Variants in PALLD observed in about 807,000 individuals in gnomAD.
PALLD encodes the protein palladin, cytoskeletal associated protein.
Under a neutral mutation model 123.5 loss-of-function variants are expected in PALLD, and 61 were observed. The ratio of observed to expected loss-of-function variants is 0.49; its 90% CI spans 0.40 to 0.61. The LOEUF (loss-of-function observed/expected upper bound fraction) is 0.61, where lower values mean the gene tolerates loss of function less well. Ranked by LOEUF, PALLD falls within the 20% of genes least tolerant of loss-of-function variation. The pLI is 0.00. For synonymous variants in PALLD, 465 were observed against 496.4 expected, an observed-to-expected ratio of 0.94 and a Z score of 0.84; for missense variants, 1,273 against 1,377.0, an observed-to-expected ratio of 0.92 and a Z score of 1.20.
intron 15 of PALLD, among the ~76,000 whole-genome samples, chr4:168,911,950 C>T (rs1442899019): frequency 3.9e-5 from 6 of 152,028 alleles, no homozygotes; most frequent in Admixed American, 3.3e-4. Flanking sequence ...GGTAATTCCT[C>T]ATTCTTCTCC....
intron 10 of PALLD, among the ~76,000 whole-genome samples, chr4:168,808,138 T>C (rs1304887870): frequency 1.3e-5 from 2 of 151,394 alleles, no homozygotes; most frequent in African/African-American, 2.4e-5. Context: ...AAGAGGAAAA[T>C]ATAATAATAT....
At position 168,511,930 on chromosome 4, in the gene PALLD, G is replaced by C. The variant is rs1468136284; in HGVS notation, c.426G>C (p.Lys142Asn). ...SYIRSLRKAE[K>N]RGAKTPSTNV... Reference sequence around the variant, plus strand: ...TCCGGAGCCTCCGAAAGGCTGAAAAGCGTGGTGCAAAAACTCCCAGCACAA... The same window carrying C: ...TCCGGAGCCTCCGAAAGGCTGAAAACCGTGGTGCAAAAACTCCCAGCACAA... Residue 142 changes from lysine (K) to asparagine (N), a missense_variant, in exon 2 of 22, where the codon AAG becomes AAC. Around this residue, in one of 2 missense-constraint regions of PALLD, gnomAD observed 944 missense variants for 954.5 expected, o/e 0.99. Coordinates refer to ENST00000505667, the MANE Select transcript of PALLD (RefSeq NM_001166108.2). 1 of 1,614,084 alleles carries C rather than the reference G, an allele frequency of 6.2e-7. No individual in the cohort carries two copies. Among genetic ancestry groups the C allele is most frequent in the Non-Finnish European group, 8.5e-7 (1 of 1,180,046 alleles).
intron 10 of PALLD, among the ~76,000 whole-genome samples, chr4:168,779,923 T>G (rs955380657): frequency 6.6e-6 from 1 of 152,058 alleles, no homozygotes; most frequent in African/African-American, 2.4e-5. Context: ...TTTTTTTCTT[T>G]TTGAGAGAAG....
chr4:168,613,029 A>G (rs989940207), intron 2 of PALLD, among the ~76,000 whole-genome samples: 1 of 152,166 alleles, frequency 6.6e-6, no homozygotes, highest in Non-Finnish European at 1.5e-5. Context: ...CTTTTCCCCC[A>G]TCAACTTCCT....
intron 2 of PALLD, among the ~76,000 whole-genome samples, chr4:168,651,339 C>G (rs1407672920): frequency 6.6e-6 from 1 of 152,082 alleles, no homozygotes; most frequent in Non-Finnish European, 1.5e-5. Flanking sequence ...TTGTAACATC[C>G]AAGGTTAGCT....
intron 2 of PALLD, among the ~76,000 whole-genome samples, chr4:168,609,245 G>A (rs927886080): frequency 4.7e-5 from 7 of 149,410 alleles, no homozygotes; most frequent in Non-Finnish European, 7.4e-5. Flanking sequence ...GCCTTAGAGA[G>A]TTGCTGATGT....
chr4:168,735,779 C>T (rs1436880084), intron 10 of PALLD, among the ~76,000 whole-genome samples: 3 of 151,944 alleles, frequency 2.0e-5, no homozygotes, highest in Non-Finnish European at 2.9e-5. Flanking sequence ...TTTGGGTTTT[C>T]GTCTTTGATG....
At chr4:168,849,123 C>A (rs1289843960) in intron 10 of PALLD, among the ~76,000 whole-genome samples, 1 of 152,208 alleles carries the variant, frequency 6.6e-6, no homozygotes, top group African/African-American at 2.4e-5. Context: ...CAGGTTCTCC[C>A]ACATGTTCAC....
chr4:168,611,124 C>T (rs1392152781), intron 2 of PALLD, among the ~76,000 whole-genome samples: 1 of 152,148 alleles, frequency 6.6e-6, no homozygotes, highest in African/African-American at 2.4e-5. Flanking sequence ...GGACCAGGCC[C>T]TTCCTGGTTT....
At chr4:168,818,516 G>C (rs1561558783) in intron 10 of PALLD, among the ~76,000 whole-genome samples, 1 of 152,108 alleles carries the variant, frequency 6.6e-6, no homozygotes, top group African/African-American at 2.4e-5. Context: ...GGGCCCAGGA[G>C]GTCAAGACTG....
chr4:168,615,468 C>T (rs916713605), intron 2 of PALLD, among the ~76,000 whole-genome samples: 2 of 152,150 alleles, frequency 1.3e-5, no homozygotes, highest in Non-Finnish European at 2.9e-5. Flanking sequence ...GTATCTGGCC[C>T]GAGTCCATTT....
chr4:168,802,713 G>A (rs11931737), intron 10 of PALLD, among the ~76,000 whole-genome samples: 7,904 of 151,272 alleles, frequency 0.052, 708 homozygotes, highest in African/African-American at 0.18. Context: ...TTTTTAAGAC[G>A]GAGTTTCACT....
At chr4:168,524,538 G>A (rs1345694004) in intron 2 of PALLD, among the ~76,000 whole-genome samples, 1 of 152,124 alleles carries the variant, frequency 6.6e-6, no homozygotes, top group East Asian at 1.9e-4. Flanking sequence ...TATGCAGTGT[G>A]TAATAATCAC....
chr4:168,565,184 A>T (rs2149588868), intron 2 of PALLD, among the ~76,000 whole-genome samples: 1 of 152,252 alleles, frequency 6.6e-6, no homozygotes, highest in South Asian at 2.1e-4. Flanking sequence ...GAAGGAAAAG[A>T]AGCTTTAGTC....
chr4:168,542,092 C>A (rs1392150595), intron 2 of PALLD, among the ~76,000 whole-genome samples: 1 of 152,194 alleles, frequency 6.6e-6, no homozygotes, highest in African/African-American at 2.4e-5. Context: ...CACACACATA[C>A]ACACACCTTT....
At chr4:168,743,041 C>G (rs1490567646) in intron 10 of PALLD, among the ~76,000 whole-genome samples, 1 of 152,132 alleles carries the variant, frequency 6.6e-6, no homozygotes, top group Non-Finnish European at 1.5e-5. Context: ...CTTCCAGGAG[C>G]TATAGACTAG....
chr4:168,631,573 C>G, intron 2 of PALLD: 1 of 983,994 alleles, frequency 1.0e-6, no homozygotes, highest in Non-Finnish European at 1.2e-6. Context: ...GCCCGGCACT[C>G]CGACACACTC....
intron 10 of PALLD, among the ~76,000 whole-genome samples, chr4:168,855,747 A>G (rs1008169451): frequency 6.6e-6 from 1 of 152,380 alleles, no homozygotes; most frequent in African/African-American, 2.4e-5. Flanking sequence ...CCTGAATACT[A>G]ATAGCTCACA....
At chr4:168,767,940 T>G (rs1733905348) in intron 10 of PALLD, among the ~76,000 whole-genome samples, 2 of 152,160 alleles carry the variant, frequency 1.3e-5, no homozygotes, top group Non-Finnish European at 2.9e-5. Context: ...CAGCCTTGTC[T>G]CCACCATTGC....
Sources: allele counts gnomAD v4.1 joint callset (sites outside exome capture counted in the v4.1 genomes callset), GRCh38; gene constraint gnomAD v4.1.1; regional missense constraint gnomAD v4.1.1; transcripts MANE v1.5; gene names NCBI Gene and HGNC (gene_info 2026-07-23, HGNC 2026-07-21).